Variants in HEMK2 observed in about 807,000 individuals in gnomAD.
The protein encoded by HEMK2 is HemK methyltransferase 2, ETF1 glutamine and histone H4 lysine.
At chr21:28,819,654 C>T in the HEMK2 span, among the ~76,000 whole-genome samples, 2 of 146,772 alleles carry the variant, frequency 1.4e-5, no homozygotes, top group East Asian at 4.3e-4. Flanking sequence ...TCAAGCGATT[C>T]TCCTGCCTCA....
chr21:28,851,079 C>T, the HEMK2 span, among the ~76,000 whole-genome samples: 1 of 152,170 alleles, frequency 6.6e-6, no homozygotes, highest in Non-Finnish European at 1.5e-5. Context: ...CAGTTCAGGT[C>T]GCATGGTGAC....
At chr21:28,844,185 T>C in the HEMK2 span, among the ~76,000 whole-genome samples, 2 of 152,090 alleles carry the variant, frequency 1.3e-5, no homozygotes, top group African/African-American at 2.4e-5. Context: ...ATTGTTTGAA[T>C]TTCTCATTAG....
the HEMK2 span, among the ~76,000 whole-genome samples, chr21:28,583,964 T>C: frequency 6.6e-6 from 1 of 152,170 alleles, no homozygotes; most frequent in Non-Finnish European, 1.5e-5. Flanking sequence ...AAATTTTCAA[T>C]AGAAAGAATC....
At chr21:28,885,174 G>A in the HEMK2 span, 4 of 1,510,764 alleles carry the variant, frequency 2.6e-6, no homozygotes, top group Admixed American at 2.0e-5. Context: ...TCAGAAAGCC[G>A]CAACCCTTTC....
the HEMK2 span, among the ~76,000 whole-genome samples, chr21:28,835,697 G>A: frequency 5.3e-5 from 8 of 152,232 alleles, no homozygotes; most frequent in South Asian, 1.7e-3. Flanking sequence ...ATAAGGGAGG[G>A]ACCAGAGAAA....
chr21:28,854,966 G>A, the HEMK2 span, among the ~76,000 whole-genome samples: 24,378 of 152,048 alleles, frequency 0.16, 2,397 homozygotes, highest in East Asian at 0.49. Flanking sequence ...TCAAGTCTGC[G>A]TAATAACTAG....
chr21:28,854,767 T>A, the HEMK2 span, among the ~76,000 whole-genome samples: 1 of 152,146 alleles, frequency 6.6e-6, no homozygotes, highest in African/African-American at 2.4e-5. Context: ...CACTGGCAGG[T>A]GATTAGATTG....
chr21:28,853,131 T>G, the HEMK2 span, among the ~76,000 whole-genome samples: 7 of 152,190 alleles, frequency 4.6e-5, no homozygotes, highest in Admixed American at 2.0e-4. Flanking sequence ...CAAGGATATA[T>G]CTTCTGGACC....
chr21:28,789,199 C>T, the HEMK2 span, among the ~76,000 whole-genome samples: 2 of 152,162 alleles, frequency 1.3e-5, no homozygotes, highest in Admixed American at 1.3e-4. Context: ...TCCCAGGTAA[C>T]ATTGGCAGTA....
At chr21:28,608,519 T>G in the HEMK2 span, among the ~76,000 whole-genome samples, 1 of 113,220 alleles carries the variant, frequency 8.8e-6, no homozygotes, top group African/African-American at 3.4e-5. Context: ...CTCCAAGAAC[T>G]ACTGAGGAAC....
At chr21:28,629,926 C>CTT in the HEMK2 span, among the ~76,000 whole-genome samples, 1,494 of 146,844 alleles carry the variant, frequency 0.01, 12 homozygotes, top group Non-Finnish European at 0.014. Context: ...TGCTCAGTTT[C>CTT]TTTTTTTTTT....
chr21:28,792,858 T>G, the HEMK2 span, among the ~76,000 whole-genome samples: 2 of 152,156 alleles, frequency 1.3e-5, no homozygotes, highest in African/African-American at 2.4e-5. Context: ...CAGCATTTGC[T>G]CCCAATGCCC....
the HEMK2 span, among the ~76,000 whole-genome samples, chr21:28,775,635 TC>T: frequency 4.6e-5 from 7 of 152,100 alleles, no homozygotes; most frequent in African/African-American, 1.7e-4. Context: ...ATGCTTTTTT[TC>T]CCCCAACAAT....
the HEMK2 span, among the ~76,000 whole-genome samples, chr21:28,600,165 G>T: frequency 6.6e-6 from 1 of 152,232 alleles, no homozygotes; most frequent in East Asian, 1.9e-4. Context: ...CTCTGTGTGG[G>T]GGCTTTAACC....
chr21:28,700,018 C>A, the HEMK2 span, among the ~76,000 whole-genome samples: 2 of 152,186 alleles, frequency 1.3e-5, no homozygotes, highest in East Asian at 3.8e-4. Context: ...AAAGCAGCAA[C>A]TGATCCTTAA....
the HEMK2 span, among the ~76,000 whole-genome samples, chr21:28,712,164 T>C: frequency 1 from 152,300 of 152,300 alleles, 76,150 homozygotes; most frequent in Non-Finnish European, 1. Context: ...TACACAGCCT[T>C]TGAGAGGTCC....
chr21:28,831,562 A>G, the HEMK2 span, among the ~76,000 whole-genome samples: 5 of 85,774 alleles, frequency 5.8e-5, no homozygotes, highest in Admixed American at 2.5e-4. Context: ...AAAGAAGGAA[A>G]GAAGGAAAGA....
the HEMK2 span, among the ~76,000 whole-genome samples, chr21:28,822,485 T>A: frequency 2.0e-5 from 3 of 151,894 alleles, no homozygotes; most frequent in African/African-American, 7.3e-5. Context: ...ACAAAAAAAA[T>A]TATAGAACAT....
the HEMK2 span, among the ~76,000 whole-genome samples, chr21:28,823,221 A>G: frequency 6.6e-6 from 1 of 152,122 alleles, no homozygotes; most frequent in Non-Finnish European, 1.5e-5. Flanking sequence ...CAAGTTGACA[A>G]TTTTATATCC....
Sources: gnomAD v4.1 joint callset for allele counts (sites outside exome capture counted in the v4.1 genomes callset) on GRCh38, gnomAD v4.1.1 for gene constraint, MANE v1.5 for transcripts, NCBI Gene and HGNC (gene_info 2026-07-23, HGNC 2026-07-21) for gene names.